Variants in RICTOR observed in about 807,000 individuals in gnomAD.
RICTOR encodes the protein RPTOR independent companion of MTOR complex 2.
RICTOR carries 49 observed loss-of-function variants against 214.9 expected under a neutral mutation model. The ratio of observed to expected loss-of-function variants is 0.23; its 90% CI spans 0.18 to 0.29. The LOEUF (loss-of-function observed/expected upper bound fraction) is 0.29. Among genes scored for constraint, RICTOR ranks in the 10% least tolerant of loss-of-function variants. RICTOR has a pLI of 1.00. For synonymous variants in RICTOR, 717 were observed against 711.3 expected (o/e 1.01, Z -0.13); for missense variants, 1,625 against 2,047.0 (o/e 0.79, Z 3.98).
intron 2 of RICTOR, among the ~76,000 whole-genome samples, chr5:39,034,463 C>T (rs1017841534): frequency 3.9e-5 from 6 of 152,198 alleles, no homozygotes; most frequent in African/African-American, 1.2e-4. Context: ...TGCCGGACAG[C>T]GGATGCAGGA....
chr5:39,003,511 T>C (rs1237839299), intron 4 of RICTOR, 47 bp downstream of exon 4: 6 of 1,210,318 alleles, frequency 5.0e-6, no homozygotes, highest in Non-Finnish European at 7.3e-6. Flanking sequence ...AAAATTAAAA[T>C]TACTAAAATC....
chr5:39,041,542 G>A (rs913403284), intron 2 of RICTOR, among the ~76,000 whole-genome samples: 1 of 152,068 alleles, frequency 6.6e-6, no homozygotes, highest in African/African-American at 2.4e-5. Context: ...AGTTTAAGTA[G>A]AAGTTAAAAA....
Position 39,009,412 on chromosome 5 carries a change from G to A in RICTOR, c.196-5790C>T, listed in dbSNP as rs140787301. 1.7e-3 allele frequency among the ~76,000 whole-genome samples: 262 copies of A among 152,228 alleles called. 2 individuals carry two copies. Among genetic ancestry groups the A allele is most frequent in the East Asian group, 0.016 (84 of 5,188 alleles). ...CCATTTAAAAAGTGTTTAGAGAGGT[G>A]TGTCATTTTCTGATTATTAATGTCA... is the stretch of plus-strand genomic sequence containing the variant. On this transcript the variant is annotated intron_variant, in intron 3 of 37. Transcript: ENST00000357387.
chr5:39,020,534 C>T (rs1755338670), intron 3 of RICTOR, among the ~76,000 whole-genome samples: 1 of 152,142 alleles, frequency 6.6e-6, no homozygotes, highest in Non-Finnish European at 1.5e-5. Context: ...AATTAAGGTA[C>T]ACGCATTTTT....
Position 38,947,395 on chromosome 5 carries a change from A to G in RICTOR, c.4183T>C (p.Leu1395=), listed in dbSNP as rs756320144. 1.2e-6 allele frequency: 2 copies of G among 1,612,316 alleles called. No individual in the cohort carries two copies. Among genetic ancestry groups the G allele is most frequent in the Non-Finnish European group, 8.5e-7 (1 of 1,178,488 alleles). Residue 1395 remains leucine (L), a synonymous_variant, in exon 32 of 38, where the codon TTG becomes CTG. Transcript: ENST00000357387. ...SYASLDKEDL[L]SPINQNTLQR... ...AGGGTATTTTGATTAATAGGACTCA[A>G]TAAATCTTCTTTATCTAATGATGCA...
chr5:39,061,959 T>C (rs1360865592), intron 2 of RICTOR, among the ~76,000 whole-genome samples: 1 of 152,028 alleles, frequency 6.6e-6, no homozygotes, highest in Non-Finnish European at 1.5e-5. Flanking sequence ...TTTATTAAAA[T>C]AAGGTGGTTT....
intron 3 of RICTOR, among the ~76,000 whole-genome samples, chr5:39,005,346 C>CTT (rs544964194): frequency 1.5e-3 from 219 of 144,776 alleles, no homozygotes; most frequent in Non-Finnish European, 2.7e-3. Flanking sequence ...CGTAAATCCT[C>CTT]TTTTTTTTTT....
chr5:39,060,267 T>G (rs574827186), intron 2 of RICTOR, among the ~76,000 whole-genome samples: 1 of 152,100 alleles, frequency 6.6e-6, no homozygotes, highest in South Asian at 2.1e-4. Context: ...TCAAAGTATG[T>G]ATCATCACCA....
intron 10 of RICTOR, among the ~76,000 whole-genome samples, chr5:38,973,006 C>CAA (rs70982523): frequency 4.0e-5 from 6 of 150,878 alleles, no homozygotes; most frequent in African/African-American, 4.9e-5. Flanking sequence ...AGAAGCCTTA[C>CAA]AAAAAAAAGC....
chr5:38,955,250 G>A (rs1039630209), intron 26 of RICTOR, among the ~76,000 whole-genome samples: 7 of 151,864 alleles, frequency 4.6e-5, no homozygotes, highest in African/African-American at 7.3e-5. Flanking sequence ...AAGGTATCTC[G>A]TTATATATAT....
intron 2 of RICTOR, among the ~76,000 whole-genome samples, chr5:39,025,906 C>T (rs1036978226): frequency 2.0e-5 from 3 of 152,190 alleles, no homozygotes; most frequent in Non-Finnish European, 4.4e-5. Flanking sequence ...TCTCGAGCTG[C>T]AGTCTGTCAA....
intron 2 of RICTOR, among the ~76,000 whole-genome samples, chr5:39,029,627 A>G (rs534294734): frequency 6.6e-5 from 10 of 152,042 alleles, no homozygotes; most frequent in Non-Finnish European, 1.5e-4. Flanking sequence ...AATGGAAAGG[A>G]AAAAAAACCT....
intron 31 of RICTOR, among the ~76,000 whole-genome samples, chr5:38,947,836 A>C (rs894054983): frequency 6.6e-6 from 1 of 152,150 alleles, no homozygotes; most frequent in Non-Finnish European, 1.5e-5. Flanking sequence ...TATGTGTATC[A>C]ACTCTATTTA....
Position 39,002,594 on chromosome 5 carries a change from G to C in RICTOR, c.333C>G (p.Ile111Met), listed in dbSNP as rs1352540959. 6.2e-7 allele frequency: 1 copy of C among 1,611,708 alleles called. No homozygotes were observed. The highest frequency in any genetic ancestry group is 8.5e-7 in the Non-Finnish European group (1 of 1,178,332). The change falls in exon 5 of 38, where the codon ATC becomes ATG. Residue 111 changes from isoleucine to methionine, a missense_variant. Physicochemically the swap from Ile to Met is conservative, Grantham distance 10. Around this residue, in one of 5 missense-constraint regions of RICTOR, gnomAD observed 258 missense variants for 393.7 expected, o/e 0.66. Transcript: ENST00000357387. ...AAGLRALRYL[I>M]QDSSILQKVL... ...CCTTCTGGAGAATACTGGAGTCTTG[G>C]ATGAGATATCGAAGCGCTCGTAGCC...
intron 2 of RICTOR, among the ~76,000 whole-genome samples, chr5:39,068,967 C>T (rs575548940): frequency 6.6e-6 from 1 of 152,288 alleles, no homozygotes; most frequent in African/African-American, 2.4e-5. Context: ...TGAGTTTTAG[C>T]CCTTTAAAAT....
At chr5:38,972,917 A>G (rs1053928092) in intron 10 of RICTOR, among the ~76,000 whole-genome samples, 5 of 151,444 alleles carry the variant, frequency 3.3e-5, no homozygotes, top group African/African-American at 7.3e-5. Flanking sequence ...TCATTGCATG[A>G]AATATTATAA....
chr5:39,041,675 G>C (rs1757179715), intron 2 of RICTOR, among the ~76,000 whole-genome samples: 1 of 152,042 alleles, frequency 6.6e-6, no homozygotes, highest in Non-Finnish European at 1.5e-5. Flanking sequence ...TCACTAACAG[G>C]GAATCCTAGA....
At chr5:39,027,993 T>C (rs1183802379) in intron 2 of RICTOR, among the ~76,000 whole-genome samples, 1 of 151,796 alleles carries the variant, frequency 6.6e-6, no homozygotes, top group Non-Finnish European at 1.5e-5. Context: ...AAGATTTAAA[T>C]AGATGTGAAA....
chr5:38,965,873 A>C (rs1750172927), intron 15 of RICTOR, among the ~76,000 whole-genome samples: 1 of 152,174 alleles, frequency 6.6e-6, no homozygotes, highest in Non-Finnish European at 1.5e-5. Flanking sequence ...GCAAACTGTG[A>C]CATAATTTCA....
Sources: gnomAD v4.1 joint callset for allele counts (sites outside exome capture counted in the v4.1 genomes callset) on GRCh38, gnomAD v4.1.1 for gene constraint, gnomAD v4.1.1 regional missense constraint, MANE v1.5 for transcripts, NCBI Gene and HGNC (gene_info 2026-07-23, HGNC 2026-07-21) for gene names.